The following PLPP1 variants were observed in gnomAD, a reference collection of about 807,000 sequenced individuals.
PLPP1 encodes the protein lipid phosphate phosphohydrolase 1a.
A neutral mutation model predicts 31.2 loss-of-function variants in PLPP1; 24 were observed. The ratio of observed to expected loss-of-function variants is 0.77; its 90% CI spans 0.56 to 1.08. The LOEUF (loss-of-function observed/expected upper bound fraction) is 1.08. Ranked by LOEUF, PLPP1 falls within the 50% of genes least tolerant of loss-of-function variation. PLPP1 has a pLI of 0.00. For synonymous variants in PLPP1, 146 were observed against 126.3 expected, an observed-to-expected ratio of 1.16 and a Z score of -1.05; for missense variants, 319 against 342.7, an observed-to-expected ratio of 0.93 and a Z score of 0.55.
chr5:55,483,929 GTTC>G (rs1259248326), intron 1 of PLPP1, among the ~76,000 whole-genome samples: 2 of 152,092 alleles, frequency 1.3e-5, no homozygotes, highest in African/African-American at 2.4e-5. Context: ...TTACATAGAT[GTTC>G]TTCTACGATG....
chr5:55,490,228 G>T (rs1183797024), intron 1 of PLPP1, among the ~76,000 whole-genome samples: 3 of 133,500 alleles, frequency 2.2e-5, no homozygotes, highest in African/African-American at 8.6e-5. Context: ...TTGGCTCACT[G>T]AAATCTCCAT....
chr5:55,517,296 C>G (rs1269378312), intron 1 of PLPP1, among the ~76,000 whole-genome samples: 6 of 152,154 alleles, frequency 3.9e-5, no homozygotes, highest in Non-Finnish European at 8.8e-5. Context: ...CTCAGGTGAT[C>G]CACCTCAACC....
chr5:55,433,687 G>A (rs887629294), intron 4 of PLPP1, among the ~76,000 whole-genome samples: 9 of 146,948 alleles, frequency 6.1e-5, no homozygotes, highest in African/African-American at 2.2e-4. Context: ...TTCCAACAGA[G>A]ACGGTTTCAC....
chr5:55,518,473 A>C (rs969395672), intron 1 of PLPP1, among the ~76,000 whole-genome samples: 1 of 151,882 alleles, frequency 6.6e-6, no homozygotes, highest in African/African-American at 2.4e-5. Flanking sequence ...TTCATTTTTT[A>C]ATTTTCCTTT....
At chr5:55,449,868 T>G (rs1017483027) in intron 3 of PLPP1, among the ~76,000 whole-genome samples, 3 of 151,992 alleles carry the variant, frequency 2.0e-5, no homozygotes, top group Non-Finnish European at 4.4e-5. Context: ...TCTAGAACTA[T>G]AAGAAACACA....
chr5:55,502,126 G>C (rs925678186), intron 1 of PLPP1, among the ~76,000 whole-genome samples: 1 of 152,078 alleles, frequency 6.6e-6, no homozygotes, highest in Non-Finnish European at 1.5e-5. Context: ...TAGTCTGATG[G>C]GAGAAAAAGG....
At chr5:55,451,002 C>T (rs1447006512) in intron 3 of PLPP1, among the ~76,000 whole-genome samples, 1 of 152,228 alleles carries the variant, frequency 6.6e-6, no homozygotes, top group East Asian at 1.9e-4. Context: ...GAGACTTCTA[C>T]TCTAAGCCCT....
intron 4 of PLPP1, among the ~76,000 whole-genome samples, chr5:55,430,959 G>A (rs945115707): frequency 6.6e-6 from 1 of 152,082 alleles, no homozygotes; most frequent in Non-Finnish European, 1.5e-5. Flanking sequence ...AGATCCAACA[G>A]TTTCAACAAT....
intron 4 of PLPP1, among the ~76,000 whole-genome samples, chr5:55,429,734 C>G (rs1225390911): frequency 2.6e-5 from 4 of 152,142 alleles, no homozygotes; most frequent in Non-Finnish European, 4.4e-5. Context: ...AGTCCCCCAC[C>G]CACAGCTGGG....
chr5:55,512,017 T>C (rs1753425201), intron 1 of PLPP1, among the ~76,000 whole-genome samples: 1 of 151,050 alleles, frequency 6.6e-6, no homozygotes, highest in Non-Finnish European at 1.5e-5. Flanking sequence ...TAATCCAAGC[T>C]ACTCAGGAGG....
Position 55,425,118 on chromosome 5 carries a change from A to T in PLPP1, c.*88T>A. The T allele has an allele frequency of 6.7e-7, 1 of 1,486,340 alleles. No homozygotes were observed. The highest frequency in any genetic ancestry group is 9.1e-7 in the Non-Finnish European group (1 of 1,101,756). 92.1% of individuals were successfully genotyped at this position (1,486,340 alleles called of 1,614,324 possible). On this transcript the variant is annotated 3_prime_UTR_variant, in exon 6 of 6. Transcript: ENST00000307259. Reference sequence around the variant, plus strand: ...AGCAGAAGTCTTTAAAGGCTTGTACACCAGGAAGAAAGATGCATCCTCTTG... The same window carrying T: ...AGCAGAAGTCTTTAAAGGCTTGTACTCCAGGAAGAAAGATGCATCCTCTTG...
intron 1 of PLPP1, among the ~76,000 whole-genome samples, chr5:55,486,313 G>A (rs1200827648): frequency 2.6e-5 from 4 of 152,168 alleles, no homozygotes; most frequent in Non-Finnish European, 5.9e-5. Context: ...GGCTGGATGT[G>A]GTGGTTCACA....
intron 1 of PLPP1, among the ~76,000 whole-genome samples, chr5:55,512,484 GAAAGAAA>G (rs1561253056): frequency 0.034 from 283 of 8,320 alleles, 6 homozygotes; most frequent in South Asian, 0.071. Context: ...AAAAAAAAAA[GAAAGAAA>G]GAAAGAAAAG....
intron 3 of PLPP1, among the ~76,000 whole-genome samples, chr5:55,462,905 G>A (rs1021919490): frequency 2.0e-5 from 3 of 151,760 alleles, no homozygotes; most frequent in Non-Finnish European, 2.9e-5. Flanking sequence ...CCCGGGAGGC[G>A]AAGCTTGCAG....
At chr5:55,531,858 G>A (rs543893386) in intron 1 of PLPP1, among the ~76,000 whole-genome samples, 3 of 152,140 alleles carry the variant, frequency 2.0e-5, no homozygotes, top group Admixed American at 1.3e-4. Context: ...TAAATGTAAT[G>A]TAATCTTACA....
intron 3 of PLPP1, among the ~76,000 whole-genome samples, chr5:55,460,392 TA>T (rs1212345277): frequency 1.3e-5 from 2 of 152,034 alleles, no homozygotes; most frequent in African/African-American, 4.8e-5. Context: ...CCCTTGAAAC[TA>T]ACCAAAAGGT....
chr5:55,532,560 T>G lies in PLPP1; in HGVS notation c.58+2012A>C, dbSNP rs559130606. 5.3e-5 allele frequency among the ~76,000 whole-genome samples: 8 copies of G among 152,346 alleles called. 1 individual carries two copies. The South Asian group carries it at 1.7e-3, about 32-fold the overall frequency. Reference sequence around the variant, plus strand: ...ACATCAAGTATAAGTTAAAATATATTTTTTAATGTAACATTTCTATGAAAG... The same window carrying G: ...ACATCAAGTATAAGTTAAAATATATGTTTTAATGTAACATTTCTATGAAAG... On this transcript the variant is annotated intron_variant, in intron 1 of 5. Coordinates refer to ENST00000307259, the MANE Select transcript of PLPP1 (RefSeq NM_003711.4).
intron 3 of PLPP1, among the ~76,000 whole-genome samples, chr5:55,464,907 C>A (rs1453839837): frequency 6.6e-6 from 1 of 152,130 alleles, no homozygotes; most frequent in Non-Finnish European, 1.5e-5. Flanking sequence ...CAATTGTACA[C>A]TTAAAATGGG....
chr5:55,453,394 C>G (rs1040568429), intron 3 of PLPP1, among the ~76,000 whole-genome samples: 3 of 152,104 alleles, frequency 2.0e-5, no homozygotes, highest in Non-Finnish European at 4.4e-5. Flanking sequence ...AACCGAGGAG[C>G]ATTAGGAAGT....
Sources: gnomAD v4.1 joint callset for allele counts (sites outside exome capture counted in the v4.1 genomes callset) on GRCh38, gnomAD v4.1.1 for gene constraint, MANE v1.5 for transcripts, NCBI Gene and HGNC (gene_info 2026-07-23, HGNC 2026-07-21) for gene names.